Variants in SDK1 observed in about 807,000 individuals in gnomAD.
SDK1 encodes the protein protein sidekick-1.
In SDK1, 157 loss-of-function variants were observed where a neutral mutation model predicts 245.5. The observed-to-expected ratio is 0.64, with a 90% confidence interval of 0.56 to 0.73. The LOEUF is 0.73. Among genes scored for constraint, SDK1 ranks in the 30% least tolerant of loss-of-function variants. SDK1 has a pLI of 0.00. For missense variants in SDK1, 3,583 were observed against 3,002.3 expected, an observed-to-expected ratio of 1.19 and a Z score of -4.52; for synonymous variants, 1,647 against 1,278.5, an observed-to-expected ratio of 1.29 and a Z score of -6.15.
chr7:3,487,223 A>C (rs1781727351), intron 1 of SDK1, among the ~76,000 whole-genome samples: 2 of 152,218 alleles, frequency 1.3e-5, no homozygotes, highest in Admixed American at 6.5e-5. Flanking sequence ...TTTAGATATT[A>C]AGTTTATGTA....
chr7:3,927,657 C>T (rs182175196), intron 5 of SDK1, among the ~76,000 whole-genome samples: 2 of 152,326 alleles, frequency 1.3e-5, no homozygotes, highest in African/African-American at 2.4e-5. Flanking sequence ...GCCAAGAGTC[C>T]ATCTGTCTCC....
intron 4 of SDK1, among the ~76,000 whole-genome samples, chr7:3,719,106 T>C (rs1252964141): frequency 6.6e-6 from 1 of 152,220 alleles, no homozygotes; most frequent in Non-Finnish European, 1.5e-5. Flanking sequence ...ATTATAGGTA[T>C]ACCCAAGTCT....
chr7:3,887,278 C>T (rs566797970), intron 5 of SDK1, among the ~76,000 whole-genome samples: 1 of 152,258 alleles, frequency 6.6e-6, no homozygotes, highest in African/African-American at 2.4e-5. Flanking sequence ...CACTAATTCA[C>T]TCCAGAAATG....
At chr7:3,753,413 C>T (rs1779830294) in intron 4 of SDK1, among the ~76,000 whole-genome samples, 1 of 152,106 alleles carries the variant, frequency 6.6e-6, no homozygotes, top group South Asian at 2.1e-4. Flanking sequence ...CCTTAATGAG[C>T]CTTTACAAAA....
chr7:3,840,677 G>C (rs1308562330), intron 5 of SDK1, among the ~76,000 whole-genome samples: 1 of 152,226 alleles, frequency 6.6e-6, no homozygotes, highest in Non-Finnish European at 1.5e-5. Context: ...GCGGTTCACG[G>C]ACAACTCTGG....
intron 4 of SDK1, among the ~76,000 whole-genome samples, chr7:3,746,245 T>G (rs145284644): frequency 3.3e-4 from 51 of 152,338 alleles, no homozygotes; most frequent in African/African-American, 1.2e-3. Context: ...ATACCTTAAT[T>G]CAAAAATACT....
At chr7:4,005,740 A>T (rs1785437432) in intron 14 of SDK1, among the ~76,000 whole-genome samples, 1 of 152,142 alleles carries the variant, frequency 6.6e-6, no homozygotes, top group Non-Finnish European at 1.5e-5. Context: ...CAATTAAGGA[A>T]AATCTCCCTG....
chr7:4,154,960 G>C (rs1780631438), intron 30 of SDK1, among the ~76,000 whole-genome samples: 2 of 152,002 alleles, frequency 1.3e-5, no homozygotes, highest in African/African-American at 4.8e-5. Flanking sequence ...AGGAGCAACG[G>C]GGGTGGGGGG....
intron 35 of SDK1, among the ~76,000 whole-genome samples, chr7:4,201,503 A>T (rs1562424743): frequency 6.6e-6 from 1 of 152,268 alleles, no homozygotes; most frequent in Non-Finnish European, 1.5e-5. Flanking sequence ...TTAAAACATT[A>T]ACATTGATTC....
intron 1 of SDK1, among the ~76,000 whole-genome samples, chr7:3,418,145 GAAAAAAAAAAA>G (rs200914826): frequency 3.4e-4 from 41 of 119,692 alleles, no homozygotes; most frequent in South Asian, 5.1e-4. Context: ...TACTAAAAAT[GAAAAAAAAAAA>G]AAAAAAAAAA....
chr7:4,035,636 A>G (rs1788153284), intron 17 of SDK1, among the ~76,000 whole-genome samples: 1 of 152,192 alleles, frequency 6.6e-6, no homozygotes, highest in Non-Finnish European at 1.5e-5. Context: ...TTAAGTCTGA[A>G]TTGGGACTAT....
rs1562554105 is a variant in SDK1, at chr7:3,546,566, A to G, written c.299-72514A>G. 2.0e-5 allele frequency among the ~76,000 whole-genome samples: 3 copies of G among 152,370 alleles called. No homozygotes were observed. The South Asian group carries it at 6.2e-4, about 32-fold the overall frequency. On this transcript the variant is annotated intron_variant, in intron 1 of 44. Transcript: ENST00000404826. ...AACAGGACATGGAAAGAAAAAGAGAACAGGAGAAATGTGGCACATGCCAAG... is the reference window on the plus strand; with the variant it reads ...AACAGGACATGGAAAGAAAAAGAGAGCAGGAGAAATGTGGCACATGCCAAG...
intron 5 of SDK1, among the ~76,000 whole-genome samples, chr7:3,822,001 C>T (rs968846314): frequency 2.6e-5 from 4 of 152,072 alleles, no homozygotes; most frequent in Admixed American, 6.6e-5. Flanking sequence ...TTAAGTTGTA[C>T]GAAAATTAGC....
At position 3,812,884 on chromosome 7, in the gene SDK1, C is replaced by T. The variant is rs1027526841; in HGVS notation, c.714-8566C>T. Among the ~76,000 whole-genome samples the T allele has an allele frequency of 1.1e-3, 169 of 152,206 alleles. 1 individual carries two copies. Among genetic ancestry groups the T allele is most frequent in the Admixed American group, 5.0e-3 (76 of 15,282 alleles). The stretch of plus-strand genomic sequence containing the variant: ...TCATGCATTCCATTAATGAACACAA[C>T]TCAGCTAGTGGTTTCTGTTGGTTTG... On this transcript the variant is annotated intron_variant, in intron 4 of 44. Transcript: ENST00000404826.
intron 1 of SDK1, among the ~76,000 whole-genome samples, chr7:3,453,965 C>G (rs1780599240): frequency 6.6e-6 from 1 of 152,184 alleles, no homozygotes; most frequent in African/African-American, 2.4e-5. Context: ...CAATGTACGA[C>G]TGGTTTTGTA....
chr7:3,622,370 A>G (rs1247206764), intron 2 of SDK1, among the ~76,000 whole-genome samples: 1 of 152,106 alleles, frequency 6.6e-6, no homozygotes, highest in Non-Finnish European at 1.5e-5. Flanking sequence ...AATCCCAGCT[A>G]CTTGGGAGGC....
chr7:3,574,441 G>A (rs1418632570), intron 1 of SDK1, among the ~76,000 whole-genome samples: 1 of 152,044 alleles, frequency 6.6e-6, no homozygotes, highest in African/African-American at 2.4e-5. Context: ...ACCCTGTGGT[G>A]TGAAGTTGCT....
At chr7:3,436,850 G>A (rs749980287) in intron 1 of SDK1, among the ~76,000 whole-genome samples, 2 of 152,176 alleles carry the variant, frequency 1.3e-5, no homozygotes, top group South Asian at 2.1e-4. Context: ...TTAAAAACTC[G>A]TCTACCCTCC....
chr7:3,599,945 C>A (rs1025891383), intron 1 of SDK1, among the ~76,000 whole-genome samples: 3 of 152,122 alleles, frequency 2.0e-5, no homozygotes, highest in Admixed American at 1.3e-4. Context: ...TTAGAATAAT[C>A]TTGTATATAT....
Sources: allele counts gnomAD v4.1 joint callset (sites outside exome capture counted in the v4.1 genomes callset), GRCh38; gene constraint gnomAD v4.1.1; transcripts MANE v1.5; gene names NCBI Gene and HGNC (gene_info 2026-07-23, HGNC 2026-07-21).